Variants in WTAP observed in about 807,000 individuals in gnomAD.
WTAP encodes the protein pre-mRNA-splicing regulator WTAP.
WTAP carries 8 observed loss-of-function variants against 50.0 expected under a neutral mutation model. The ratio of observed to expected loss-of-function variants is 0.16; its 90% CI spans 0.09 to 0.29. The LOEUF is 0.29. Among genes scored for constraint, WTAP ranks in the 10% least tolerant of loss-of-function variants. The pLI, the probability that WTAP is intolerant of heterozygous loss-of-function variation, is 1.00. For missense variants in WTAP, 295 were observed against 470.7 expected (o/e 0.63, Z 3.45); for synonymous variants, 194 against 169.0 (o/e 1.15, Z -1.15).
rs554462656 is a variant in WTAP, at chr6:159,748,075, GA to G, written c.274-115del. ...TTTTCTAGAGAATTTCAGGATCAAA[GA>G]GGGGAGGAGCTTAATGAAAGAGTTG... On this transcript the variant is annotated intron_variant, in intron 5 of 7. Transcript: ENST00000621533. The surrounding 1 kb of genome is among the most constrained non-coding windows in gnomAD (Gnocchi z 5.6). 10 of 1,271,686 alleles carry G rather than the reference GA, an allele frequency of 7.9e-6. No individual in the cohort carries two copies. Among genetic ancestry groups the G allele is most frequent in the Non-Finnish European group, 1.1e-5 (10 of 931,792 alleles). The allele number at this position is 1,271,686 out of a possible 1,614,324, so 78.8% of individuals were successfully genotyped here.
Position 159,748,117 on chromosome 6 carries a change from G to A in WTAP, c.274-74G>A. The A allele has an allele frequency of 1.3e-6, 2 of 1,525,170 alleles. No individual in the cohort carries two copies. Among genetic ancestry groups the A allele is most frequent in the Admixed American group, 1.9e-5 (1 of 51,678 alleles). The allele number at this position is 1,525,170 out of a possible 1,614,324, so 94.5% of individuals were successfully genotyped here. A position where few individuals can be genotyped will look rare whatever the true frequency, so the allele number is the denominator to read the frequency against. On this transcript the variant is annotated intron_variant, in intron 5 of 7. Coordinates refer to ENST00000621533, the MANE Select transcript of WTAP (RefSeq NM_001270531.2). This position sits in a 1 kb window ranked among gnomAD's most constrained non-coding sequence, Gnocchi z 5.6. ...GAAAGAGTTGGTAAATCAAGTGAATGGAGGGAGTTTTCCCCACCTTCTTAT... is the reference window on the plus strand; with the variant it reads ...GAAAGAGTTGGTAAATCAAGTGAATAGAGGGAGTTTTCCCCACCTTCTTAT...
chr6:159,742,494 G>T (rs920963371), intron 4 of WTAP, among the ~76,000 whole-genome samples: 1 of 152,144 alleles, frequency 6.6e-6, no homozygotes, highest in African/African-American at 2.4e-5. Flanking sequence ...TACTAGTCTA[G>T]AAGAGAAATA....
intron 1 of WTAP, among the ~76,000 whole-genome samples, chr6:159,733,740 C>T (rs1334084255): frequency 6.6e-6 from 1 of 151,796 alleles, no homozygotes; most frequent in Non-Finnish European, 1.5e-5. Context: ...ATGGAGAAAC[C>T]CCGTCTCTAC....
chr6:159,727,331 C>T (rs1414387634), upstream of WTAP: 8 of 1,255,874 alleles, frequency 6.4e-6, no homozygotes, highest in Non-Finnish European at 8.2e-6. Flanking sequence ...AGGCGACTCT[C>T]CTGTGAGTGG....
intron 4 of WTAP, among the ~76,000 whole-genome samples, chr6:159,742,945 G>T (rs1419509614): frequency 6.6e-6 from 1 of 152,104 alleles, no homozygotes; most frequent in African/African-American, 2.4e-5. Flanking sequence ...CAAGGCTGCT[G>T]CAGTGAGCCC....
upstream of WTAP, chr6:159,726,931 C>T: frequency 7.8e-7 from 1 of 1,288,668 alleles, no homozygotes; most frequent in East Asian, 5.6e-5. Flanking sequence ...GGTCCTCCGA[C>T]ACGCGGAAGC....
intron 3 of WTAP, among the ~76,000 whole-genome samples, chr6:159,740,532 C>A (rs991005261): frequency 6.6e-6 from 1 of 152,072 alleles, no homozygotes; most frequent in Admixed American, 6.5e-5. Flanking sequence ...ATAAATCGTT[C>A]TTTTATAGCC....
chr6:159,745,506 T>C (rs1423510139), intron 5 of WTAP, among the ~76,000 whole-genome samples: 2 of 151,966 alleles, frequency 1.3e-5, no homozygotes, highest in Non-Finnish European at 2.9e-5. Context: ...CTTCCAATTA[T>C]AATACAAGTG....
upstream of WTAP, chr6:159,726,765 CAAG>C: frequency 7.8e-7 from 1 of 1,288,600 alleles, no homozygotes; most frequent in Non-Finnish European, 1.0e-6. Context: ...CCAGAGATGT[CAAG>C]GAGGAACGAA....
intron 7 of WTAP, among the ~76,000 whole-genome samples, chr6:159,754,264 A>C (rs1779924508): frequency 6.6e-6 from 1 of 152,166 alleles, no homozygotes; most frequent in Non-Finnish European, 1.5e-5. Context: ...ACCTTTTCAA[A>C]ATCTTCAGGA....
In WTAP at chr6:159,743,456, T is replaced by C. The variant is rs183142687; in HGVS notation, c.146-209T>C. Among the ~76,000 whole-genome samples, 581 of 152,332 alleles carry C rather than the reference T, an allele frequency of 3.8e-3. 1 individual carries two copies. The highest frequency in any genetic ancestry group is 0.013 in the African/African-American group (550 of 41,560). ...GGGAGTAGATGAAACTATAAAAACA[T>C]AATTTAGTTAGTAGTCATGGAGCAC... On this transcript the variant is annotated intron_variant, in intron 4 of 7. Transcript: ENST00000621533.
rs1190668812 is a variant in WTAP, at chr6:159,755,820, G to A, written c.*209G>A. The stretch of plus-strand genomic sequence containing the variant: ...CAATACTTCTGCCGCTTTGGAAATT[G>A]TAACAGTTAATTACTTTGAATGTTG... On this transcript the variant is annotated 3_prime_UTR_variant, in exon 8 of 8. Transcript: ENST00000621533. 4.0e-6 allele frequency: 3 copies of A among 756,994 alleles called. No homozygotes were observed. The highest frequency in any genetic ancestry group is 5.0e-6 in the Non-Finnish European group (3 of 595,292). The allele number at this position is 756,994 out of a possible 1,614,324, so 46.9% of individuals were successfully genotyped here.
intron 6 of WTAP, chr6:159,749,453 A>G: frequency 1.0e-6 from 1 of 979,966 alleles, no homozygotes; most frequent in South Asian, 4.7e-5. Context: ...AGTTCAAAGA[A>G]TATTATGATG....
At position 159,755,765 on chromosome 6, in the gene WTAP, C is replaced by CTTTTTTTTTTTT; in HGVS notation, c.*168_*179dup. The CTTTTTTTTTTTT allele has an allele frequency of 9.8e-5, 17 of 173,378 alleles. 2 individuals carry two copies. The highest frequency in any genetic ancestry group is 3.5e-4 in the African/African-American group (4 of 11,432). 10.7% of individuals were successfully genotyped at this position (173,378 alleles called of 1,614,324 possible). ...TTTTTCTTTGTTTTTTTTTTCTTTT[C>CTTTTTTTTTTTT]TTTTTTTTTTTTTTTTTTTTTTTTT... is the stretch of plus-strand genomic sequence containing the variant. On this transcript the variant is annotated 3_prime_UTR_variant, in exon 8 of 8. Coordinates refer to ENST00000621533, the MANE Select transcript of WTAP (RefSeq NM_001270531.2).
intron 1 of WTAP, among the ~76,000 whole-genome samples, chr6:159,728,740 T>A (rs1778382398): frequency 6.6e-6 from 1 of 152,248 alleles, no homozygotes; most frequent in Non-Finnish European, 1.5e-5. Flanking sequence ...GGGGAAAGAT[T>A]GCAGTCCGCA....
chr6:159,730,135 A>C (rs1177427280), intron 1 of WTAP, among the ~76,000 whole-genome samples: 2 of 152,176 alleles, frequency 1.3e-5, no homozygotes, highest in African/African-American at 2.4e-5. Context: ...CCCCCAATTT[A>C]TTAATTAATA....
chr6:159,746,876 A>G (rs767045708), intron 5 of WTAP, among the ~76,000 whole-genome samples: 5 of 152,188 alleles, frequency 3.3e-5, no homozygotes, highest in African/African-American at 7.2e-5. Flanking sequence ...AGTGTTGACT[A>G]TTGGGTCTTT....
At chr6:159,753,890 T>C (rs1477881772) in intron 7 of WTAP, among the ~76,000 whole-genome samples, 1 of 152,214 alleles carries the variant, frequency 6.6e-6, no homozygotes, top group East Asian at 1.9e-4. Context: ...AAAAGGGTGT[T>C]GTATTACTTA....
At chr6:159,753,249 T>A (rs1330818179) in intron 6 of WTAP, 1 of 619,656 alleles carries the variant, frequency 1.6e-6, no homozygotes, top group Non-Finnish European at 2.7e-6. Flanking sequence ...GTTTGGGCAC[T>A]TTTTGTTTAG....
Sources: gnomAD v4.1 joint callset for allele counts (sites outside exome capture counted in the v4.1 genomes callset) on GRCh38, gnomAD v4.1.1 for gene constraint, Gnocchi (gnomAD v3.1) non-coding constraint, MANE v1.5 for transcripts, NCBI Gene and HGNC (gene_info 2026-07-23, HGNC 2026-07-21) for gene names.